Variants in COL24A1 observed in about 807,000 individuals in gnomAD.
The protein encoded by COL24A1 is collagen alpha-1(XXIV) chain.
In COL24A1, 224 loss-of-function variants were observed where a neutral mutation model predicts 253.9. The observed-to-expected ratio is 0.88, with a 90% CI of 0.79 to 0.99. The LOEUF (loss-of-function observed/expected upper bound fraction) is 0.99, where lower values mean the gene tolerates loss of function less well. Ranked by LOEUF, COL24A1 falls within the 50% of genes least tolerant of loss-of-function variation. The pLI is 0.00. For synonymous variants in COL24A1, 685 were observed against 673.7 expected, an observed-to-expected ratio of 1.02 and a Z score of -0.26; for missense variants, 2,131 against 2,068.5, an observed-to-expected ratio of 1.03 and a Z score of -0.59.
intron 7 of COL24A1, among the ~76,000 whole-genome samples, chr1:86,064,157 C>T (rs1701312958): frequency 1.3e-5 from 2 of 152,024 alleles, no homozygotes; most frequent in Admixed American, 6.5e-5. Flanking sequence ...TGGCCTCAGA[C>T]ATAATCTGTT....
intron 59 of COL24A1, among the ~76,000 whole-genome samples, chr1:85,732,740 C>T (rs930444356): frequency 3.9e-5 from 6 of 152,152 alleles, no homozygotes; most frequent in African/African-American, 1.4e-4. Context: ...TGTGCCTTTA[C>T]TTTCATACCT....
chr1:86,142,341 G>A (rs573069796), intron 2 of COL24A1, among the ~76,000 whole-genome samples: 5 of 151,870 alleles, frequency 3.3e-5, no homozygotes, highest in South Asian at 2.1e-4. Flanking sequence ...GGCTAACACG[G>A]TGAAACCCTG....
intron 10 of COL24A1, among the ~76,000 whole-genome samples, chr1:86,054,405 G>C (rs890730474): frequency 5.9e-5 from 9 of 151,870 alleles, no homozygotes; most frequent in African/African-American, 2.2e-4. Flanking sequence ...ATCTGACAAA[G>C]GACTAATATC....
chr1:85,745,378 T>C, intron 56 of COL24A1, 63 bp downstream of exon 56: 2 of 1,239,658 alleles, frequency 1.6e-6, no homozygotes, highest in Non-Finnish European at 2.2e-6. Context: ...CCTCCAAAAA[T>C]TTTCTCTGTT....
At chr1:86,110,967 G>C (rs556088935) in intron 5 of COL24A1, among the ~76,000 whole-genome samples, 2 of 152,286 alleles carry the variant, frequency 1.3e-5, no homozygotes, top group African/African-American at 2.4e-5. Context: ...AGCTCCGACC[G>C]TTGCCCCTGC....
intron 28 of COL24A1, 124 bp downstream of exon 28, chr1:85,907,070 G>A: frequency 1.5e-6 from 1 of 659,454 alleles, no homozygotes; most frequent in Non-Finnish European, 2.6e-6. Flanking sequence ...AATGAAAATA[G>A]AAAAAACCTG....
chr1:85,744,437 T>C (rs1664985374), intron 57 of COL24A1, among the ~76,000 whole-genome samples: 1 of 152,006 alleles, frequency 6.6e-6, no homozygotes. Context: ...TTAATATGAA[T>C]ATGCTGTATA....
At chr1:85,748,582 C>A (rs564193969) in intron 55 of COL24A1, among the ~76,000 whole-genome samples, 1 of 151,002 alleles carries the variant, frequency 6.6e-6, no homozygotes, top group African/African-American at 2.4e-5. Context: ...GCGTGAGCCA[C>A]GCAGAAGACG....
At chr1:85,860,465 G>A (rs1679012173) in intron 37 of COL24A1, among the ~76,000 whole-genome samples, 1 of 152,176 alleles carries the variant, frequency 6.6e-6, no homozygotes, top group South Asian at 2.1e-4. Context: ...ATGTGGGCCA[G>A]GCACAGTGGC....
At chr1:85,798,883 T>TA (rs1364625129) in intron 47 of COL24A1, among the ~76,000 whole-genome samples, 3 of 152,086 alleles carry the variant, frequency 2.0e-5, no homozygotes, top group African/African-American at 7.2e-5. Flanking sequence ...GTTACAGCAA[T>TA]AAAAAAATAA....
intron 7 of COL24A1, among the ~76,000 whole-genome samples, chr1:86,070,290 C>A (rs558359106): frequency 7.3e-5 from 11 of 151,618 alleles, no homozygotes; most frequent in Non-Finnish European, 1.5e-4. Context: ...TCAGAGGAGA[C>A]AAAAGAAAAC....
At chr1:85,759,904 T>A (rs1324156689) in intron 55 of COL24A1, among the ~76,000 whole-genome samples, 1 of 152,230 alleles carries the variant, frequency 6.6e-6, no homozygotes, top group Non-Finnish European at 1.5e-5. Flanking sequence ...CTTGAACTTG[T>A]TCTTTCTTGA....
chr1:86,107,627 C>T (rs1241517504), intron 5 of COL24A1, among the ~76,000 whole-genome samples: 6 of 151,850 alleles, frequency 4.0e-5, no homozygotes, highest in African/African-American at 7.3e-5. Flanking sequence ...CTCCGCCTCC[C>T]GGGTTCACGC....
At chr1:85,853,697 G>C (rs2102365617) in intron 37 of COL24A1, among the ~76,000 whole-genome samples, 1 of 152,214 alleles carries the variant, frequency 6.6e-6, no homozygotes, top group East Asian at 1.9e-4. Flanking sequence ...TTGTGGTTTT[G>C]ATTTGCATTT....
rs185784378 is a variant in COL24A1 at position 85,777,184 on chromosome 1, G to A, written c.4339-1475C>T. 9.7e-3 allele frequency among the ~76,000 whole-genome samples: 1,466 copies of A among 151,838 alleles called. 21 individuals carry two copies. Among genetic ancestry groups the A allele is most frequent in the African/African-American group, 0.031 (1,265 of 41,428 alleles). ...AGGATGATCTCAATCTCCTGACCTC[G>A]TGATCCGCCCGCCTCAGCCTCCCAA... On this transcript the variant is annotated intron_variant, in intron 52 of 59. Transcript: ENST00000370571.
intron 1 of COL24A1, among the ~76,000 whole-genome samples, chr1:86,146,416 G>T (rs1442876387): frequency 6.6e-6 from 1 of 151,890 alleles, no homozygotes; most frequent in African/African-American, 2.4e-5. Flanking sequence ...TGCTTTATCT[G>T]TTAAACCTAT....
rs1450803587 is a variant in COL24A1, at chr1:85,970,235, C to A, written c.2455G>T (p.Gly819Trp). Residue 819 changes from glycine (G) to tryptophan (W), a missense_variant, in exon 22 of 60, where the codon GGG becomes TGG. Transcript: ENST00000370571. ...EGPIGAFGELGPRGKPGQKGY... is the reference protein window; with the variant it reads ...EGPIGAFGELWPRGKPGQKGY... ...ATTTATATGATACCTACTCTTGGCC[C>A]CAGTTCCCCAAAGGCTCCAATTGGT... 1 of 1,592,966 alleles carries A rather than the reference C, an allele frequency of 6.3e-7. No individual in the cohort carries two copies. The highest frequency in any genetic ancestry group is 1.2e-5 in the South Asian group (1 of 86,002).
At chr1:85,907,448 TG>T (rs2102898906) in intron 27 of COL24A1, among the ~76,000 whole-genome samples, 1 of 152,066 alleles carries the variant, frequency 6.6e-6, no homozygotes, top group East Asian at 1.9e-4. Context: ...ACAAATTTAA[TG>T]TCTGGGTGTT....
At chr1:86,077,352 G>A (rs1037860235) in intron 7 of COL24A1, among the ~76,000 whole-genome samples, 8 of 152,184 alleles carry the variant, frequency 5.3e-5, no homozygotes, top group Middle Eastern at 3.2e-3. Context: ...ATGCTGGAGA[G>A]GATGTGGAGA....
Sources: gnomAD v4.1 joint callset for allele counts (sites outside exome capture counted in the v4.1 genomes callset) on GRCh38, gnomAD v4.1.1 for gene constraint, MANE v1.5 for transcripts, NCBI Gene and HGNC (gene_info 2026-07-23, HGNC 2026-07-21) for gene names.